Variants in ANKH observed in about 807,000 individuals in gnomAD.
ANKH encodes mineralization regulator ANKH.
ANKH carries 15 observed loss-of-function variants against 49.0 expected under a neutral mutation model. The observed-to-expected ratio is 0.31, with a 90% CI of 0.20 to 0.47. The LOEUF is 0.47. Among genes scored for constraint, ANKH ranks in the 20% least tolerant of loss-of-function variants. The pLI is 1.00. For synonymous variants in ANKH, 273 were observed against 260.0 expected (o/e 1.05, Z -0.48); for missense variants, 429 against 652.0 (o/e 0.66, Z 3.72).
At chr5:14,867,203 A>C (rs1293065666) in intron 1 of ANKH, among the ~76,000 whole-genome samples, 4 of 151,968 alleles carry the variant, frequency 2.6e-5, no homozygotes, top group African/African-American at 7.2e-5. Flanking sequence ...GCTAAGATTA[A>C]ATTTAGACCT....
chr5:14,763,814 C>T (rs1231588500), intron 2 of ANKH, among the ~76,000 whole-genome samples: 2 of 152,150 alleles, frequency 1.3e-5, no homozygotes, highest in African/African-American at 4.8e-5. Flanking sequence ...GGAGGCTGGG[C>T]ACGGTGGCTT....
chr5:14,831,769 G>T (rs1741513514), intron 1 of ANKH, among the ~76,000 whole-genome samples: 1 of 152,170 alleles, frequency 6.6e-6, no homozygotes, highest in Non-Finnish European at 1.5e-5. Flanking sequence ...CTAAGGCACA[G>T]AATTGAAAAC....
chr5:14,833,153 T>C lies in ANKH; in HGVS notation c.96+38199A>G, dbSNP rs538536387. On this transcript the variant is annotated intron_variant, in intron 1 of 11. Transcript: ENST00000284268. ...GCTTCCCTTCTACTCACATTAAGGC[T>C]TGCAATGGATTATGTCTTCAGATGT... Among the ~76,000 whole-genome samples the C allele has an allele frequency of 7.2e-5, 11 of 152,318 alleles. No homozygotes were observed. In the South Asian group the frequency reaches 2.3e-3, roughly 32 times the overall value.
chr5:14,725,831 C>T lies in ANKH; in HGVS notation c.1012-8996G>A, dbSNP rs1012988094. Among the ~76,000 whole-genome samples the T allele has an allele frequency of 4.6e-5, 7 of 152,206 alleles. No homozygotes were observed. The highest frequency in any genetic ancestry group is 9.6e-5 in the African/African-American group (4 of 41,454). ...CACGATCTTGGCTCACTGCAATCTC[C>T]GCTTCCCGGGTTCAAGAGATTCTCC... On this transcript the variant is annotated intron_variant, in intron 8 of 11. Transcript: ENST00000284268. The surrounding 1 kb of genome is among the most constrained non-coding windows in gnomAD (Gnocchi z 4.0).
At chr5:14,715,880 C>G (rs537367063) in intron 9 of ANKH, among the ~76,000 whole-genome samples, 2 of 152,348 alleles carry the variant, frequency 1.3e-5, no homozygotes, top group East Asian at 3.9e-4. Flanking sequence ...TTGTCTCAGC[C>G]ATGGGCAGTT....
chr5:14,803,981 C>T (rs1438234310), intron 1 of ANKH, among the ~76,000 whole-genome samples: 1 of 152,014 alleles, frequency 6.6e-6, no homozygotes, highest in African/African-American at 2.4e-5. Flanking sequence ...CTGCAACCTC[C>T]GCCTCCTGGG....
At chr5:14,862,893 G>A (rs773701178) in intron 1 of ANKH, among the ~76,000 whole-genome samples, 2 of 152,152 alleles carry the variant, frequency 1.3e-5, no homozygotes, top group African/African-American at 4.8e-5. Flanking sequence ...GCAGGAAAAC[G>A]AGTGTCATGA....
intron 1 of ANKH, among the ~76,000 whole-genome samples, chr5:14,846,524 T>G (rs1438993408): frequency 6.6e-6 from 1 of 152,236 alleles, no homozygotes; most frequent in South Asian, 2.1e-4. Context: ...TTTTTCTGAA[T>G]TGTTTCATAT....
chr5:14,778,271 C>T (rs1372669957), intron 1 of ANKH, among the ~76,000 whole-genome samples: 2 of 152,206 alleles, frequency 1.3e-5, no homozygotes, highest in Non-Finnish European at 2.9e-5. Context: ...TTGAGATTCA[C>T]ACGCCTAGCC....
rs183603582 is a variant in ANKH, at chr5:14,802,699, A to T, written c.97-33508T>A. 3.3e-5 allele frequency among the ~76,000 whole-genome samples: 5 copies of T among 150,508 alleles called. No individual in the cohort carries two copies. The Admixed American group carries it at 3.3e-4, about 10-fold the overall frequency. On this transcript the variant is annotated intron_variant, in intron 1 of 11. Transcript: ENST00000284268. ...ACAGATTCTTCCCTCCCCCTCAGCC[A>T]TCCCATTCTCCCTCCCACCTGCCTC...
At chr5:14,810,794 T>G (rs950250883) in intron 1 of ANKH, among the ~76,000 whole-genome samples, 3 of 152,114 alleles carry the variant, frequency 2.0e-5, no homozygotes, top group African/African-American at 7.2e-5. Context: ...AAAATAAATT[T>G]AAAAAACAAA....
intron 1 of ANKH, among the ~76,000 whole-genome samples, chr5:14,794,572 C>G (rs184708551): frequency 6.6e-6 from 1 of 152,166 alleles, no homozygotes; most frequent in Non-Finnish European, 1.5e-5. Context: ...GATAAATGTC[C>G]CCAGGTTTAC....
chr5:14,783,162 T>G (rs1163606552), intron 1 of ANKH, among the ~76,000 whole-genome samples: 1 of 151,872 alleles, frequency 6.6e-6, no homozygotes, highest in Admixed American at 6.6e-5. Flanking sequence ...AAAGCAGTCA[T>G]TAAACAAGTT....
Position 14,770,560 on chromosome 5 carries a change from G to T in ANKH, c.97-1369C>A, listed in dbSNP as rs371945560. 2.6e-5 allele frequency among the ~76,000 whole-genome samples: 4 copies of T among 152,222 alleles called. No individual in the cohort carries two copies. The South Asian group carries it at 6.2e-4, about 24-fold the overall frequency. ...ATTATAATAAAAGTTTTATCAATGT[G>T]GTCTTTCTCTCAAAATATCTTACTG... On this transcript the variant is annotated intron_variant, in intron 1 of 11. Transcript: ENST00000284268. This position sits in a 1 kb window ranked among gnomAD's most constrained non-coding sequence, Gnocchi z 4.1.
Position 14,871,517 on chromosome 5 carries a change from GAC to G in ANKH, c.-72_-71del. On this transcript the variant is annotated 5_prime_UTR_variant, in exon 1 of 12. Transcript: ENST00000284268. ...GGGACTCTGCGGGGAGGCGAGGGGCGACGGGGCGACGGGGCGAGCGGGGCGCG... is the reference window on the plus strand; with the variant it reads ...GGGACTCTGCGGGGAGGCGAGGGGCGGGGGCGACGGGGCGAGCGGGGCGCG... The G allele has an allele frequency of 2.8e-6, 1 of 357,086 alleles. No individual in the cohort carries two copies. Among genetic ancestry groups the G allele is most frequent in the Non-Finnish European group, 4.0e-6 (1 of 249,718 alleles). 22.1% of individuals were successfully genotyped at this position (357,086 alleles called of 1,614,324 possible). A position where few individuals can be genotyped will look rare whatever the true frequency, so the allele number is the denominator to read the frequency against.
intron 1 of ANKH, among the ~76,000 whole-genome samples, chr5:14,837,201 A>C (rs907125196): frequency 2.0e-5 from 3 of 152,354 alleles, no homozygotes; most frequent in African/African-American, 7.2e-5. Flanking sequence ...TTCAGGACAT[A>C]GGCATGGGCA....
chr5:14,769,272 G>T, intron 1 of ANKH, 81 bp from the exon 2 acceptor site: 1 of 1,196,286 alleles, frequency 8.4e-7, no homozygotes, highest in Non-Finnish European at 1.2e-6. Flanking sequence ...ATGAAATTCA[G>T]CAGATCACGT....
At chr5:14,768,800 C>T (rs966528591) in intron 2 of ANKH, 175 bp downstream of exon 2, 3 of 701,072 alleles carry the variant, frequency 4.3e-6, no homozygotes, top group Non-Finnish European at 7.3e-6. Flanking sequence ...AGAAAAAACA[C>T]ATTATTGTCT....
intron 1 of ANKH, among the ~76,000 whole-genome samples, chr5:14,863,368 C>T (rs1735556546): frequency 6.6e-6 from 1 of 152,122 alleles, no homozygotes; most frequent in Non-Finnish European, 1.5e-5. Flanking sequence ...CACGTGACTG[C>T]CTGGCACAAT....
Sources: gnomAD v4.1 joint callset for allele counts (sites outside exome capture counted in the v4.1 genomes callset) on GRCh38, gnomAD v4.1.1 for gene constraint, Gnocchi (gnomAD v3.1) non-coding constraint, MANE v1.5 for transcripts, NCBI Gene and HGNC (gene_info 2026-07-23, HGNC 2026-07-21) for gene names.